Variants in GPHN observed in about 807,000 individuals in gnomAD.
GPHN encodes gephyrin.
In GPHN, 17 loss-of-function variants were observed where a neutral mutation model predicts 95.5. The ratio of observed to expected loss-of-function variants is 0.18; its 90% CI spans 0.12 to 0.27. The LOEUF is 0.27. Among genes scored for constraint, GPHN ranks in the 10% least tolerant of loss-of-function variants. The pLI is 1.00. For missense variants in GPHN, 660 were observed against 978.1 expected, an observed-to-expected ratio of 0.67 and a Z score of 4.34; for synonymous variants, 320 against 322.5, an observed-to-expected ratio of 0.99 and a Z score of 0.08.
At chr14:66,963,351 G>A (rs541180784) in intron 8 of GPHN, among the ~76,000 whole-genome samples, 1 of 151,944 alleles carries the variant, frequency 6.6e-6, no homozygotes, top group Non-Finnish European at 1.5e-5. Flanking sequence ...TAAGTCTGGA[G>A]ATATATATCA....
chr14:67,136,119 T>G (rs1021539365), intron 17 of GPHN, among the ~76,000 whole-genome samples: 3 of 146,998 alleles, frequency 2.0e-5, no homozygotes, highest in Admixed American at 6.8e-5. Flanking sequence ...TCTCTAGGTA[T>G]CCTAAATATT....
chr14:67,733,632 G>T, the GPHN span: 3 of 712,442 alleles, frequency 4.2e-6, no homozygotes, highest in Non-Finnish European at 7.5e-6. Context: ...GTTTCTTTGA[G>T]TCTGGCATAT....
chr14:67,301,368 A>G, the GPHN span: 1 of 1,568,336 alleles, frequency 6.4e-7, no homozygotes, highest in Non-Finnish European at 8.7e-7. Flanking sequence ...AGGAAGAATA[A>G]TCTTTATTTT....
At chr14:67,085,614 G>C (rs2076853189) in intron 11 of GPHN, among the ~76,000 whole-genome samples, 1 of 152,072 alleles carries the variant, frequency 6.6e-6, no homozygotes, top group Admixed American at 6.5e-5. Flanking sequence ...AAGAACTTAG[G>C]GTGTAAAAGT....
At chr14:66,743,935 C>A (rs2153442452) in intron 2 of GPHN, among the ~76,000 whole-genome samples, 1 of 152,276 alleles carries the variant, frequency 6.6e-6, no homozygotes, top group East Asian at 1.9e-4. Flanking sequence ...TATTATGTTA[C>A]TTTAAATGAA....
At chr14:67,204,731 CG>C in the GPHN span, 2 of 1,613,780 alleles carry the variant, frequency 1.2e-6, no homozygotes, top group African/African-American at 2.7e-5. Flanking sequence ...TCCAAAGTGT[CG>C]GAGGTTTCAA....
the GPHN span, chr14:67,619,835 G>A: frequency 1.7e-6 from 1 of 579,622 alleles, no homozygotes; most frequent in African/African-American, 2.0e-5. Context: ...GGAGGCGCGG[G>A]CGGCGGGGCC....
the GPHN span, among the ~76,000 whole-genome samples, chr14:67,459,137 C>T: frequency 1.3e-5 from 2 of 152,214 alleles, no homozygotes; most frequent in African/African-American, 4.8e-5. Flanking sequence ...ATTCGCCCAC[C>T]TCAGCCTCCC....
the GPHN span, among the ~76,000 whole-genome samples, chr14:67,318,838 A>G: frequency 6.6e-6 from 1 of 152,090 alleles, no homozygotes; most frequent in Non-Finnish European, 1.5e-5. Flanking sequence ...CAGGCGGATC[A>G]CGAGGTCAGG....
At chr14:67,347,325 C>A in the GPHN span, 1 of 1,098,922 alleles carries the variant, frequency 9.1e-7, no homozygotes, top group Admixed American at 2.1e-5. Context: ...CAACATCTAG[C>A]ACCATTTTCC....
intron 5 of GPHN, among the ~76,000 whole-genome samples, chr14:66,891,224 G>A (rs1431817793): frequency 2.0e-5 from 3 of 151,658 alleles, no homozygotes; most frequent in Admixed American, 1.3e-4. Flanking sequence ...AATGAATTCA[G>A]CAAAGTTGCA....
chr14:66,757,914 A>G (rs1474669880), intron 2 of GPHN, among the ~76,000 whole-genome samples: 1 of 152,194 alleles, frequency 6.6e-6, no homozygotes, highest in Admixed American at 6.5e-5. Context: ...AATAGAATTT[A>G]TTAAGTGAAA....
At chr14:67,029,629 G>A (rs576549560) in intron 10 of GPHN, among the ~76,000 whole-genome samples, 6 of 152,172 alleles carry the variant, frequency 3.9e-5, no homozygotes, top group East Asian at 1.9e-4. Flanking sequence ...GAGCCACTGC[G>A]CCCAGCCTTA....
chr14:67,301,455 C>G, the GPHN span: 1 of 1,607,362 alleles, frequency 6.2e-7, no homozygotes, highest in Admixed American at 1.7e-5. Context: ...GCTGAATACT[C>G]CACATATTCA....
intron 1 of GPHN, among the ~76,000 whole-genome samples, chr14:66,546,710 G>A (rs907046125): frequency 2.7e-4 from 41 of 149,426 alleles, no homozygotes; most frequent in African/African-American, 9.3e-4. Context: ...GCAGTGAGCC[G>A]AGATGGCAGC....
At chr14:67,607,231 C>T in the GPHN span, among the ~76,000 whole-genome samples, 2 of 152,170 alleles carry the variant, frequency 1.3e-5, no homozygotes, top group African/African-American at 4.8e-5. Context: ...ACTCTTAATA[C>T]TGGATTCTCT....
the GPHN span, among the ~76,000 whole-genome samples, chr14:67,482,504 C>T: frequency 6.6e-6 from 1 of 152,322 alleles, no homozygotes; most frequent in African/African-American, 2.4e-5. Context: ...CACTCACTTC[C>T]CAAGCTTCAC....
At chr14:67,715,692 T>C in the GPHN span, among the ~76,000 whole-genome samples, 1 of 152,246 alleles carries the variant, frequency 6.6e-6, no homozygotes, top group Non-Finnish European at 1.5e-5. Flanking sequence ...CACCATTTAC[T>C]TCTATTGGAA....
chr14:67,701,400 A>T, the GPHN span, among the ~76,000 whole-genome samples: 1 of 150,364 alleles, frequency 6.7e-6, no homozygotes, highest in South Asian at 2.1e-4. Context: ...ATTTAAAAAA[A>T]TTTTAAAGAA....
Sources: gnomAD v4.1 joint callset for allele counts (sites outside exome capture counted in the v4.1 genomes callset) on GRCh38, gnomAD v4.1.1 for gene constraint, MANE v1.5 for transcripts, NCBI Gene and HGNC (gene_info 2026-07-23, HGNC 2026-07-21) for gene names.